Variants in CACNA2D4 observed in about 807,000 individuals in gnomAD.
The protein encoded by CACNA2D4 is voltage-dependent calcium channel subunit alpha-2/delta-4.
In CACNA2D4, 157 loss-of-function variants were observed where a neutral mutation model predicts 163.8. The observed-to-expected ratio is 0.96, with a 90% CI of 0.84 to 1.09. CACNA2D4 has a LOEUF of 1.09. Among genes scored for constraint, CACNA2D4 ranks in the 50% least tolerant of loss-of-function variants. The pLI, the probability that CACNA2D4 is intolerant of heterozygous loss-of-function variation, is 0.00. For synonymous variants in CACNA2D4, 598 were observed against 586.9 expected, an observed-to-expected ratio of 1.02 and a Z score of -0.27; for missense variants, 1,410 against 1,479.9, an observed-to-expected ratio of 0.95 and a Z score of 0.78.
At chr12:1,827,085 C>T (rs1362624817) in intron 26 of CACNA2D4, among the ~76,000 whole-genome samples, 1 of 152,186 alleles carries the variant, frequency 6.6e-6, no homozygotes, top group Non-Finnish European at 1.5e-5. Context: ...CGCAGGGAGC[C>T]CGTGGAGGGC....
chr12:1,888,756 T>C, intron 6 of CACNA2D4, among the ~76,000 whole-genome samples: 1 of 152,216 alleles, frequency 6.6e-6, no homozygotes, highest in East Asian at 1.9e-4. Context: ...AATACACATC[T>C]GATTGGAGTC....
At chr12:1,801,953 C>G (rs1055704171) in intron 29 of CACNA2D4, among the ~76,000 whole-genome samples, 2 of 151,460 alleles carry the variant, frequency 1.3e-5, no homozygotes, top group African/African-American at 4.9e-5. Flanking sequence ...TGGAACAATT[C>G]TGTGTGAATC....
intron 18 of CACNA2D4, among the ~76,000 whole-genome samples, chr12:1,870,753 TG>T (rs578015396): frequency 9.3e-5 from 14 of 151,170 alleles, no homozygotes; most frequent in African/African-American, 3.2e-4. Context: ...AGAAGGGGTG[TG>T]GGGGGTTGGG....
At position 1,844,526 on chromosome 12, in the gene CACNA2D4, C is replaced by A. The variant is rs749296840; in HGVS notation, c.2346G>T (p.Lys782Asn). 55 of 1,612,254 alleles carry A rather than the reference C, an allele frequency of 3.4e-5. No homozygotes were observed. The highest frequency in any genetic ancestry group is 4.6e-5 in the Non-Finnish European group (54 of 1,179,078). Residue 782 changes from lysine (K) to asparagine (N), a missense_variant, in exon 25 of 38, where the codon AAG (lysine) becomes AAT (asparagine). Coordinates refer to ENST00000382722, the MANE Select transcript of CACNA2D4 (RefSeq NM_172364.5). The surrounding 1 kb of genome is among the most constrained non-coding windows in gnomAD (Gnocchi z 4.2). ...TGGCCTCGTCCTCAGGTGTCAGGAA[C>A]TTCCTGCAAGGAGGAAGATGTGGTA... ...FVGSEKVSDRKFLTPEDEASV... is the reference protein window; with the variant it reads ...FVGSEKVSDRNFLTPEDEASV...
chr12:1,827,382 T>A (rs73593740), intron 26 of CACNA2D4: 10 of 152,884 alleles, frequency 6.5e-5, no homozygotes, highest in African/African-American at 2.4e-4. Flanking sequence ...TTCTCACCTC[T>A]CCTTGTGTCC....
chr12:1,909,460 C>G (rs969994626), intron 4 of CACNA2D4, among the ~76,000 whole-genome samples: 1 of 152,260 alleles, frequency 6.6e-6, no homozygotes. Flanking sequence ...TCCCAAAGTG[C>G]TGGGATTACA....
At chr12:1,800,365 C>G in intron 32 of CACNA2D4, 21 bp downstream of exon 32, 1 of 1,613,406 alleles carries the variant, frequency 6.2e-7, no homozygotes, top group Non-Finnish European at 8.5e-7. Context: ...CTCCACCAGC[C>G]CCGTGTCTAC....
chr12:1,843,024 T>G lies in CACNA2D4; in HGVS notation c.2470+1378A>C, dbSNP rs142426345. ...GTGACCCCGGGCAAGTTACAGAACC[T>G]CTCTGAGCCTCACGTTCTCCTTGTG... On this transcript the variant is annotated intron_variant, in intron 25 of 37. Coordinates refer to ENST00000382722, the MANE Select transcript of CACNA2D4 (RefSeq NM_172364.5). This position sits in a 1 kb window ranked among gnomAD's most constrained non-coding sequence, Gnocchi z 4.6. Among the ~76,000 whole-genome samples the G allele has an allele frequency of 5.9e-4, 90 of 152,284 alleles. 1 individual carries two copies. The highest frequency in any genetic ancestry group is 2.1e-3 in the African/African-American group (88 of 41,572).
chr12:1,900,266 C>CA (rs776969526), intron 6 of CACNA2D4, among the ~76,000 whole-genome samples: 6 of 152,166 alleles, frequency 3.9e-5, no homozygotes, highest in Non-Finnish European at 7.3e-5. Flanking sequence ...AATAGCACCA[C>CA]AGGTGCACAC....
intron 26 of CACNA2D4, among the ~76,000 whole-genome samples, chr12:1,825,373 G>A (rs1350291474): frequency 6.6e-6 from 1 of 152,258 alleles, no homozygotes; most frequent in Admixed American, 6.5e-5. Context: ...AGGAGTGGGA[G>A]CAGACACCTG....
chr12:1,887,552 A>G (rs936326782), intron 6 of CACNA2D4, among the ~76,000 whole-genome samples: 6 of 152,200 alleles, frequency 3.9e-5, no homozygotes, highest in Non-Finnish European at 8.8e-5. Context: ...AGGCTCTTTG[A>G]GGTCAGGGAT....
intron 27 of CACNA2D4, 137 bp downstream of exon 27, chr12:1,811,525 G>A (rs1863709244): frequency 1.1e-6 from 1 of 869,946 alleles, no homozygotes; most frequent in African/African-American, 1.7e-5. Context: ...GAGCTGAGGG[G>A]CTGAGAAGTG....
chr12:1,868,665 A>T (rs1022743301), intron 18 of CACNA2D4, among the ~76,000 whole-genome samples: 9 of 152,036 alleles, frequency 5.9e-5, no homozygotes, highest in Admixed American at 5.9e-4. Context: ...ACTATATGAG[A>T]TGATGGGTAT....
chr12:1,856,320 T>A, intron 20 of CACNA2D4, 91 bp from the exon 21 acceptor site: 2 of 1,387,848 alleles, frequency 1.4e-6, no homozygotes, highest in Non-Finnish European at 2.0e-6. Flanking sequence ...AGTGAGTTTC[T>A]AAAGAAAGGG....
chr12:1,854,592 G>A (rs187473258), intron 22 of CACNA2D4, among the ~76,000 whole-genome samples: 3 of 152,168 alleles, frequency 2.0e-5, no homozygotes, highest in African/African-American at 7.2e-5. Flanking sequence ...TTTTTGTAGA[G>A]ACAAGGTTTC....
At chr12:1,827,897 C>T (rs947207832) in intron 26 of CACNA2D4, 4 of 402,060 alleles carry the variant, frequency 9.9e-6, no homozygotes, top group Admixed American at 4.4e-5. Context: ...TGCCCCGCCC[C>T]CATCCCAGGG....
Position 1,885,038 on chromosome 12 carries a change from A to G in CACNA2D4, c.1107T>C (p.Gly369=). ...KLLVEELMVK[G]VGVVDQALRE... is the part of the protein sequence containing the mutation. ...TCAGGGCTTGGTCCACGACCCCCACACCTTTGACCATCAACTCCTCCACCA... is the reference window on the plus strand; with the variant it reads ...TCAGGGCTTGGTCCACGACCCCCACGCCTTTGACCATCAACTCCTCCACCA... Residue 369 remains glycine (G), a synonymous_variant, in exon 10 of 38, where the codon GGT becomes GGC. Transcript: ENST00000382722. 1 of 1,613,728 alleles carries G rather than the reference A, an allele frequency of 6.2e-7. No individual in the cohort carries two copies. Among genetic ancestry groups the G allele is most frequent in the Non-Finnish European group, 8.5e-7 (1 of 1,179,818 alleles).
chr12:1,853,511 C>T (rs984804074), intron 23 of CACNA2D4, among the ~76,000 whole-genome samples: 1 of 152,152 alleles, frequency 6.6e-6, no homozygotes, highest in Non-Finnish European at 1.5e-5. Flanking sequence ...TGCCCCCCAA[C>T]ACTCATGGGC....
At chr12:1,896,650 C>CA (rs1330603814) in intron 6 of CACNA2D4, among the ~76,000 whole-genome samples, 9 of 116,224 alleles carry the variant, frequency 7.7e-5, no homozygotes, top group Non-Finnish European at 1.7e-4. Context: ...CACACACACA[C>CA]ACACAAAACA....
Sources: allele counts gnomAD v4.1 joint callset (sites outside exome capture counted in the v4.1 genomes callset), GRCh38; gene constraint gnomAD v4.1.1; non-coding constraint Gnocchi (gnomAD v3.1); transcripts MANE v1.5; gene names NCBI Gene and HGNC (gene_info 2026-07-23, HGNC 2026-07-21).